Variants in MYH10 observed in about 807,000 individuals in gnomAD.
The protein encoded by MYH10 is myosin-10.
A neutral mutation model predicts 257.8 loss-of-function variants in MYH10; 55 were observed. The ratio of observed to expected loss-of-function variants is 0.21; its 90% CI spans 0.17 to 0.27. The LOEUF (loss-of-function observed/expected upper bound fraction) is 0.27, where lower values mean the gene tolerates loss of function less well. Among genes scored for constraint, MYH10 ranks in the 10% least tolerant of loss-of-function variants. The pLI, the probability that MYH10 is intolerant of heterozygous loss-of-function variation, is 1.00. For synonymous variants in MYH10, 854 were observed against 921.7 expected, an observed-to-expected ratio of 0.93 and a Z score of 1.33; for missense variants, 1,631 against 2,500.6, an observed-to-expected ratio of 0.65 and a Z score of 7.42.
chr17:8,567,295 A>G (rs2083195292), intron 7 of MYH10, among the ~76,000 whole-genome samples: 1 of 152,218 alleles, frequency 6.6e-6, no homozygotes, highest in Non-Finnish European at 1.5e-5. Context: ...ACACAGGCAC[A>G]TTTGTTAACC....
chr17:8,527,863 G>A (rs1022691559), intron 17 of MYH10, among the ~76,000 whole-genome samples: 1 of 152,216 alleles, frequency 6.6e-6, no homozygotes, highest in Non-Finnish European at 1.5e-5. Flanking sequence ...TCAAAAAACA[G>A]GGAGGAGGAG....
At chr17:8,543,714 C>A (rs2082363607) in intron 13 of MYH10, among the ~76,000 whole-genome samples, 1 of 152,166 alleles carries the variant, frequency 6.6e-6, no homozygotes, top group South Asian at 2.1e-4. Context: ...CCTCGTGATC[C>A]ACCTGCCTCG....
chr17:8,527,718 C>T (rs1033293638), intron 17 of MYH10, among the ~76,000 whole-genome samples: 10 of 152,206 alleles, frequency 6.6e-5, no homozygotes, highest in Admixed American at 2.0e-4. Flanking sequence ...TTCAGGTTCA[C>T]GTTGCCTCAG....
chr17:8,505,447 A>G (rs971658562), intron 27 of MYH10, among the ~76,000 whole-genome samples: 16 of 152,208 alleles, frequency 1.1e-4, no homozygotes, highest in Non-Finnish European at 2.4e-4. Flanking sequence ...GATTGGGAAT[A>G]GTTGGGATGT....
At chr17:8,514,535 C>T (rs2081402099) in intron 21 of MYH10, among the ~76,000 whole-genome samples, 1 of 152,110 alleles carries the variant, frequency 6.6e-6, no homozygotes, top group Admixed American at 6.5e-5. Context: ...CTCCTCAGCC[C>T]CACAGCAGGG....
chr17:8,592,699 C>T (rs2084192870), intron 3 of MYH10, among the ~76,000 whole-genome samples: 1 of 147,330 alleles, frequency 6.8e-6, no homozygotes, highest in African/African-American at 2.5e-5. Context: ...GAAAATTCTC[C>T]AAAACAGGTA....
At chr17:8,597,121 G>A (rs1321600901) in intron 3 of MYH10, among the ~76,000 whole-genome samples, 2 of 152,062 alleles carry the variant, frequency 1.3e-5, no homozygotes, top group African/African-American at 4.8e-5. Flanking sequence ...CCCAAAATGG[G>A]AAAAATACTA....
At chr17:8,605,648 G>A (rs561332332) in intron 2 of MYH10, among the ~76,000 whole-genome samples, 48 of 152,262 alleles carry the variant, frequency 3.2e-4, no homozygotes, top group Middle Eastern at 3.4e-3. Context: ...GGAGGCTGAG[G>A]TAGGAAAATC....
chr17:8,599,665 G>A (rs405271), intron 3 of MYH10, among the ~76,000 whole-genome samples: 147,724 of 152,270 alleles, frequency 0.97, 71,829 homozygotes, highest in Middle Eastern at 1. Flanking sequence ...GAAGGTGGAA[G>A]GAACTAACTT....
intron 31 of MYH10, among the ~76,000 whole-genome samples, chr17:8,494,495 T>C (rs530006085): frequency 4.1e-4 from 62 of 152,208 alleles, no homozygotes; most frequent in Middle Eastern, 3.4e-3. Flanking sequence ...TTGGTAAAAA[T>C]GAACTTGTCC....
chr17:8,576,280 C>T (rs2083494465), intron 6 of MYH10, among the ~76,000 whole-genome samples: 1 of 152,104 alleles, frequency 6.6e-6, no homozygotes, highest in African/African-American at 2.4e-5. Flanking sequence ...GGGGCAGCCC[C>T]AAATTCAAAA....
intron 35 of MYH10, among the ~76,000 whole-genome samples, chr17:8,489,708 AACAC>A (rs59065540): frequency 1.1e-5 from 1 of 93,084 alleles, no homozygotes; most frequent in African/African-American, 3.7e-5. Flanking sequence ...CGTCTGAAAA[AACAC>A]ACACACACAC....
At chr17:8,478,693 A>G (rs1436143471) in intron 40 of MYH10, among the ~76,000 whole-genome samples, 1 of 152,130 alleles carries the variant, frequency 6.6e-6, no homozygotes, top group Non-Finnish European at 1.5e-5. Flanking sequence ...GTAGGTGTTA[A>G]TTACTGTACA....
chr17:8,492,154 A>G (rs944537047), intron 34 of MYH10, 143 bp downstream of exon 34: 2 of 792,580 alleles, frequency 2.5e-6, no homozygotes, highest in African/African-American at 3.4e-5. Context: ...CACAGGCCAA[A>G]ACACTCCTAG....
chr17:8,502,060 C>T (rs2080913356), intron 28 of MYH10, among the ~76,000 whole-genome samples: 1 of 152,224 alleles, frequency 6.6e-6, no homozygotes, highest in South Asian at 2.1e-4. Context: ...TAGCTACAAC[C>T]TCACACTAAT....
In MYH10 at chr17:8,591,221, G is replaced by A. The variant is rs188045209; in HGVS notation, c.503-2113C>T. On this transcript the variant is annotated intron_variant, in intron 3 of 42. Coordinates refer to ENST00000360416, the MANE Select transcript of MYH10 (RefSeq NM_001256012.3). ...TTTAGAATCAGACAAACAATACTGC[G>A]GTTGACTGCCCACTAGAATGCATTG... Among the ~76,000 whole-genome samples the A allele has an allele frequency of 9.2e-5, 14 of 152,170 alleles. No individual in the cohort carries two copies. The East Asian group carries it at 1.3e-3, about 15-fold the overall frequency.
At chr17:8,486,496 T>A (rs1914791286) in intron 36 of MYH10, among the ~76,000 whole-genome samples, 1 of 146,372 alleles carries the variant, frequency 6.8e-6, no homozygotes, top group Middle Eastern at 3.6e-3. Flanking sequence ...AGACTGAGAC[T>A]CTATCTCTGG....
intron 3 of MYH10, among the ~76,000 whole-genome samples, chr17:8,600,383 T>G (rs2084545909): frequency 6.6e-6 from 1 of 152,156 alleles, no homozygotes; most frequent in Non-Finnish European, 1.5e-5. Flanking sequence ...TTTAGGAGAT[T>G]GGACTCTCTT....
At chr17:8,594,982 TAC>T (rs1248518535) in intron 3 of MYH10, among the ~76,000 whole-genome samples, 2 of 152,226 alleles carry the variant, frequency 1.3e-5, no homozygotes, top group African/African-American at 4.8e-5. Context: ...GGGCCAACTG[TAC>T]AGTGTCTTAA....
Sources: gnomAD v4.1 joint callset for allele counts (sites outside exome capture counted in the v4.1 genomes callset) on GRCh38, gnomAD v4.1.1 for gene constraint, MANE v1.5 for transcripts, NCBI Gene and HGNC (gene_info 2026-07-23, HGNC 2026-07-21) for gene names.